The following BMS1 variants were observed in gnomAD, a reference collection of about 807,000 sequenced individuals.
The protein encoded by BMS1 is ribosome biogenesis protein BMS1 homolog.
Under a neutral mutation model 138.7 loss-of-function variants are expected in BMS1, and 53 were observed. The observed-to-expected ratio is 0.38, with a 90% CI of 0.31 to 0.48. The LOEUF is 0.48. BMS1 is among the 20% of genes least tolerant of loss of function. The pLI is 0.97. For synonymous variants in BMS1, 504 were observed against 539.9 expected (o/e 0.93, Z 0.92); for missense variants, 1,360 against 1,565.5 (o/e 0.87, Z 2.22).
chr10:42,826,030 C>T (rs974896163), intron 21 of BMS1, among the ~76,000 whole-genome samples: 1 of 152,094 alleles, frequency 6.6e-6, no homozygotes, highest in Non-Finnish European at 1.5e-5. Context: ...GTGAACATGT[C>T]GTTTTATCTT....
chr10:42,807,119 A>G (rs1842035576), intron 13 of BMS1, among the ~76,000 whole-genome samples: 1 of 152,086 alleles, frequency 6.6e-6, no homozygotes, highest in Non-Finnish European at 1.5e-5. Flanking sequence ...GTGTCTACCA[A>G]CAGTTAAGAT....
intron 18 of BMS1, 62 bp from the exon 19 acceptor site, chr10:42,822,000 A>G: frequency 1.3e-6 from 2 of 1,486,612 alleles, no homozygotes; most frequent in Non-Finnish European, 9.2e-7. Context: ...TGTGTCACAT[A>G]GAATTGAAGT....
chr10:42,798,621 A>G lies in BMS1; in HGVS notation c.2243A>G (p.Glu748Gly). 6.2e-7 allele frequency: 1 copy of G among 1,614,210 alleles called. No homozygotes were observed. The highest frequency in any genetic ancestry group is 8.5e-7 in the Non-Finnish European group (1 of 1,180,026). Residue 748 changes from glutamate to glycine, a missense_variant, in exon 12 of 23, where the codon GAG becomes GGG. Physicochemically the swap from Glu to Gly is moderately conservative, Grantham distance 98. Coordinates refer to ENST00000374518, the MANE Select transcript of BMS1 (RefSeq NM_014753.4). ...GAGGCCCCCCATGACTGGGATTTAG[A>G]GGAGGTAAGTCTGGGTAGTACATTT... ...LVEAPHDWDL[E>G]EVMNSIRDCF...
chr10:42,812,320 A>G (rs1047893631), intron 13 of BMS1, among the ~76,000 whole-genome samples: 3 of 152,136 alleles, frequency 2.0e-5, no homozygotes, highest in Non-Finnish European at 4.4e-5. Context: ...TAAATTCAAA[A>G]TTTTTTGGAG....
rs1588755068 is a variant in BMS1 at position 42,822,199 on chromosome 10, A to G, written c.3132+15A>G. On this transcript the variant is annotated intron_variant, in intron 19 of 22. Transcript: ENST00000374518. ...CATTTATTAAGGTCTGTATATCTAT[A>G]TATTCTCATATTTATAAATGTCCAT... 4 of 1,221,034 alleles carry G rather than the reference A, an allele frequency of 3.3e-6. No individual in the cohort carries two copies. The highest frequency in any genetic ancestry group is 2.0e-5 in the Admixed American group (1 of 48,888). 75.6% of individuals were successfully genotyped at this position (1,221,034 alleles called of 1,614,324 possible).
intron 13 of BMS1, among the ~76,000 whole-genome samples, chr10:42,809,281 C>G (rs1397974432): frequency 6.6e-6 from 1 of 152,148 alleles, no homozygotes; most frequent in East Asian, 1.9e-4. Flanking sequence ...CTGCTAAACT[C>G]ACTTATTAGT....
Position 42,820,977 on chromosome 10 carries a change from T to C in BMS1, c.2994T>C (p.Ser998=). The C allele has an allele frequency of 6.3e-7, 1 of 1,593,268 alleles. No homozygotes were observed. Among genetic ancestry groups the C allele is most frequent in the Non-Finnish European group, 8.5e-7 (1 of 1,171,850 alleles). ...PQGTGFLAIQ[S]VSGIMPDFRI... ...GAACTGGTTTCTTGGCAATACAGTC[T>C]GTCAGTGGCATAATGGTAACTATCT... Residue 998 remains serine, a synonymous_variant, in exon 18 of 23, where the codon TCT becomes TCC. Coordinates refer to ENST00000374518, the MANE Select transcript of BMS1 (RefSeq NM_014753.4).
intron 9 of BMS1, 133 bp from the exon 10 acceptor site, chr10:42,796,341 C>A: frequency 9.3e-7 from 1 of 1,079,560 alleles, no homozygotes; most frequent in Non-Finnish European, 1.3e-6. Context: ...ATCATATTTT[C>A]CCTATGCTAT....
In BMS1 at chr10:42,784,514, AAATCCCAAAGCTTTTGCAGTTC is replaced by A. The variant is rs1191100418; in HGVS notation, c.122_143del (p.Asn41SerfsTer16). The A allele has an allele frequency of 1.2e-6, 2 of 1,613,864 alleles. No homozygotes were observed. Among genetic ancestry groups the A allele is most frequent in the Non-Finnish European group, 1.7e-6 (2 of 1,179,864 alleles). ...GAGACGAAGAAGATGCCCGGAAGAG[AAATCCCAAAGCTTTTGCAGTTC>A]AGTCTGCTGTGCGGATGGCTCGATC... On this transcript the variant is annotated frameshift_variant, in exon 2 of 23. Coordinates refer to ENST00000374518, the MANE Select transcript of BMS1 (RefSeq NM_014753.4). LOFTEE classifies it high-confidence loss of function.
At chr10:42,789,358 C>T (rs1395499079) in intron 4 of BMS1, among the ~76,000 whole-genome samples, 4 of 152,154 alleles carry the variant, frequency 2.6e-5, no homozygotes, top group Admixed American at 2.0e-4. Flanking sequence ...TCTGTGGTTT[C>T]GGATTTTGAA....
chr10:42,798,862 T>G (rs1841782310), intron 12 of BMS1, among the ~76,000 whole-genome samples: 2 of 152,242 alleles, frequency 1.3e-5, no homozygotes, highest in African/African-American at 2.4e-5. Flanking sequence ...GTGTGGACAG[T>G]AGTGTGCATC....
chr10:42,809,165 C>A (rs1030461382), intron 13 of BMS1, among the ~76,000 whole-genome samples: 1 of 152,000 alleles, frequency 6.6e-6, no homozygotes, highest in African/African-American at 2.4e-5. Flanking sequence ...GTTTTTATTT[C>A]TTTCATCAGT....
intron 15 of BMS1, among the ~76,000 whole-genome samples, chr10:42,819,265 T>C (rs1432477711): frequency 6.6e-6 from 1 of 152,166 alleles, no homozygotes; most frequent in Non-Finnish European, 1.5e-5. Flanking sequence ...CATGGACAAA[T>C]ATTCTGTGCC....
chr10:42,830,790 C>G (rs1842779651), intron 22 of BMS1, 76 bp from the exon 23 acceptor site: 1 of 1,289,172 alleles, frequency 7.8e-7, no homozygotes, highest in Non-Finnish European at 1.1e-6. Context: ...TGGGTTGCCT[C>G]TAGTCTTAGT....
chr10:42,829,690 T>G (rs1347796523), intron 21 of BMS1, among the ~76,000 whole-genome samples: 7 of 151,646 alleles, frequency 4.6e-5, no homozygotes, highest in Admixed American at 1.3e-4. Flanking sequence ...GGCGTGGTGG[T>G]GTGTGCCTGT....
rs755401432 is a variant in BMS1 at position 42,796,906 on chromosome 10, T to C, written c.1662T>C (p.Ala554=). 12 of 1,614,184 alleles carry C rather than the reference T, an allele frequency of 7.4e-6. No individual in the cohort carries two copies. The East Asian group carries it at 2.7e-4, about 36-fold the overall frequency. ...GEGSKAGLSP[A]NCQSDRVNLE... Reference sequence around the variant, plus strand: ...GTAGTAAAGCAGGGCTGTCACCAGCTAATTGCCAGAGTGACCGTGTGAATC... The same window carrying C: ...GTAGTAAAGCAGGGCTGTCACCAGCCAATTGCCAGAGTGACCGTGTGAATC... Residue 554 remains alanine, a synonymous_variant, in exon 10 of 23, where the codon GCT becomes GCC. Coordinates refer to ENST00000374518, the MANE Select transcript of BMS1 (RefSeq NM_014753.4).
chr10:42,824,041 C>T (rs1404282803), intron 21 of BMS1, among the ~76,000 whole-genome samples: 1 of 152,058 alleles, frequency 6.6e-6, no homozygotes, highest in Non-Finnish European at 1.5e-5. Context: ...TGAGGTTGAC[C>T]ACATGATCTT....
chr10:42,820,021 A>G (rs1842457398), intron 15 of BMS1, among the ~76,000 whole-genome samples: 1 of 152,016 alleles, frequency 6.6e-6, no homozygotes, highest in South Asian at 2.1e-4. Context: ...CAAACTCCTG[A>G]CCTCATGTGA....
rs906345066 is a variant in BMS1 at position 42,833,001 on chromosome 10, T to C, written c.*1905T>C. ...CTTACAAGGTGATCAGCAAGTGTCT[T>C]ATACAACAAGCAAATTTGTTCAAAG... On this transcript the variant is annotated 3_prime_UTR_variant, in exon 23 of 23. Coordinates refer to ENST00000374518, the MANE Select transcript of BMS1 (RefSeq NM_014753.4). 3 of 152,248 alleles carry C rather than the reference T, an allele frequency of 2.0e-5. No individual in the cohort carries two copies. The highest frequency in any genetic ancestry group is 2.9e-5 in the Non-Finnish European group (2 of 68,044). 9.4% of individuals were successfully genotyped at this position (152,248 alleles called of 1,614,324 possible).
Sources: allele counts gnomAD v4.1 joint callset (sites outside exome capture counted in the v4.1 genomes callset), GRCh38; gene constraint gnomAD v4.1.1; transcripts MANE v1.5; gene names NCBI Gene and HGNC (gene_info 2026-07-23, HGNC 2026-07-21).